The following MYRIP variants were observed in gnomAD, a reference collection of about 807,000 sequenced individuals.
MYRIP encodes myosin VIIA and Rab interacting protein.
Under a neutral mutation model 98.0 loss-of-function variants are expected in MYRIP, and 49 were observed. That is an observed-to-expected ratio of 0.50 (90% CI 0.40 to 0.63). The LOEUF (loss-of-function observed/expected upper bound fraction) is 0.63. MYRIP is among the 30% of genes least tolerant of loss of function. MYRIP has a pLI of 0.00. For missense variants in MYRIP, 1,004 were observed against 1,058.2 expected (o/e 0.95, Z 0.71); for synonymous variants, 404 against 409.5 (o/e 0.99, Z 0.16).
At chr3:39,810,359 A>C (rs1940632741) in intron 1 of MYRIP, 1 of 152,462 alleles carries the variant, frequency 6.6e-6, no homozygotes, top group South Asian at 2.1e-4. Context: ...ATTCTGTAAA[A>C]CGGGGGTAAT....
chr3:40,019,132 T>C (rs935837127), intron 2 of MYRIP, among the ~76,000 whole-genome samples: 1 of 152,204 alleles, frequency 6.6e-6, no homozygotes, highest in Non-Finnish European at 1.5e-5. Flanking sequence ...CTTTTTAAAG[T>C]AGATTGATAG....
At chr3:40,036,038 A>G (rs1300405343) in intron 2 of MYRIP, among the ~76,000 whole-genome samples, 2 of 151,916 alleles carry the variant, frequency 1.3e-5, no homozygotes, top group Admixed American at 1.3e-4. Flanking sequence ...TTGAGATATA[A>G]TTGGAATTCT....
chr3:40,170,729 C>A (rs116789136), intron 8 of MYRIP, among the ~76,000 whole-genome samples: 4,782 of 152,266 alleles, frequency 0.031, 75 homozygotes, highest in Middle Eastern at 0.058. Flanking sequence ...GGGGCAGGTT[C>A]TGCAAGAAAC....
chr3:39,861,162 A>G (rs922937508), intron 1 of MYRIP, among the ~76,000 whole-genome samples: 2 of 152,204 alleles, frequency 1.3e-5, no homozygotes, highest in African/African-American at 4.8e-5. Context: ...TCAACAGGCT[A>G]GGGAGCAAAG....
At chr3:40,131,373 A>G (rs1282269809) in intron 3 of MYRIP, among the ~76,000 whole-genome samples, 1 of 152,188 alleles carries the variant, frequency 6.6e-6, no homozygotes, top group East Asian at 1.9e-4. Context: ...CTATATGCCA[A>G]TATTGTAATA....
chr3:40,128,038 C>G (rs575743572), intron 3 of MYRIP, among the ~76,000 whole-genome samples: 3 of 152,306 alleles, frequency 2.0e-5, no homozygotes, highest in South Asian at 4.1e-4. Flanking sequence ...TTCTCTTTTA[C>G]TGCTGTTGAG....
chr3:40,218,819 T>C (rs1952235325), intron 11 of MYRIP, among the ~76,000 whole-genome samples: 1 of 151,488 alleles, frequency 6.6e-6, no homozygotes. Context: ...TAGAAGTTGG[T>C]TTTCCCCAAA....
chr3:40,219,031 T>A (rs1357515014), intron 11 of MYRIP, among the ~76,000 whole-genome samples: 1 of 152,160 alleles, frequency 6.6e-6, no homozygotes, highest in Non-Finnish European at 1.5e-5. Context: ...AAATTTAATA[T>A]GACATGACAA....
intron 2 of MYRIP, among the ~76,000 whole-genome samples, chr3:39,906,738 G>A (rs111986397): frequency 8.1e-4 from 124 of 152,270 alleles, no homozygotes; most frequent in Admixed American, 3.1e-3. Flanking sequence ...TATTTGAGTG[G>A]GAGTGTGGGG....
At chr3:40,018,390 G>A (rs373690972) in intron 2 of MYRIP, among the ~76,000 whole-genome samples, 1 of 151,978 alleles carries the variant, frequency 6.6e-6, no homozygotes, top group East Asian at 1.9e-4. Context: ...CCTGTCTCCC[G>A]CTAAACATGT....
At position 39,871,825 on chromosome 3, in the gene MYRIP, CA is replaced by C. The variant is rs1436489119; in HGVS notation, c.-30-28960del. Among the ~76,000 whole-genome samples the C allele has an allele frequency of 3.3e-5, 5 of 151,930 alleles. No individual in the cohort carries two copies. In the South Asian group the frequency reaches 6.2e-4, roughly 19 times the overall value. On this transcript the variant is annotated intron_variant, in intron 1 of 16. Coordinates refer to ENST00000302541, the MANE Select transcript of MYRIP (RefSeq NM_015460.4). Reference sequence around the variant, plus strand: ...AGAATTATTTTTTAATTTTTAAAAACAATTTCAAGTGTTATTAGCATGAAGA... The same window carrying C: ...AGAATTATTTTTTAATTTTTAAAAACATTTCAAGTGTTATTAGCATGAAGA...
chr3:40,130,994 T>C (rs1321319408), intron 3 of MYRIP, among the ~76,000 whole-genome samples: 1 of 152,130 alleles, frequency 6.6e-6, no homozygotes, highest in African/African-American at 2.4e-5. Flanking sequence ...TATTTTGAAC[T>C]AGACTTGGCA....
intron 5 of MYRIP, among the ~76,000 whole-genome samples, chr3:40,165,362 C>T (rs1396753491): frequency 1.3e-5 from 2 of 152,168 alleles, no homozygotes; most frequent in African/African-American, 2.4e-5. Context: ...CATTTTTGTC[C>T]TTAAGAGCCT....
intron 2 of MYRIP, among the ~76,000 whole-genome samples, chr3:39,901,156 C>G (rs893585752): frequency 6.6e-6 from 1 of 152,226 alleles, no homozygotes; most frequent in Non-Finnish European, 1.5e-5. Context: ...CCCTGTATGT[C>G]ATTACTAGCT....
chr3:39,851,490 C>T (rs1330330590), intron 1 of MYRIP, among the ~76,000 whole-genome samples: 1 of 152,108 alleles, frequency 6.6e-6, no homozygotes, highest in Non-Finnish European at 1.5e-5. Context: ...GGGTATGGGT[C>T]TCCATCTAAT....
At chr3:39,936,711 T>C (rs1383774787) in intron 2 of MYRIP, among the ~76,000 whole-genome samples, 1 of 152,126 alleles carries the variant, frequency 6.6e-6, no homozygotes, top group Non-Finnish European at 1.5e-5. Flanking sequence ...CTCCCCGACG[T>C]GGAGCTTGCA....
At chr3:40,210,279 A>G (rs538735162) in intron 11 of MYRIP, among the ~76,000 whole-genome samples, 186 bp downstream of exon 11, 16 of 152,302 alleles carry the variant, frequency 1.1e-4, no homozygotes, top group Admixed American at 8.5e-4. Flanking sequence ...CAATCAGGAA[A>G]ACAGCATCAT....
At position 40,000,725 on chromosome 3, in the gene MYRIP, A is replaced by G. The variant is rs536881902; in HGVS notation, c.111-43325A>G. Among the ~76,000 whole-genome samples, 12 of 152,296 alleles carry G rather than the reference A, an allele frequency of 7.9e-5. 1 individual carries two copies. In the South Asian group the frequency reaches 2.3e-3, roughly 29 times the overall value. On this transcript the variant is annotated intron_variant, in intron 2 of 16. Coordinates refer to ENST00000302541, the MANE Select transcript of MYRIP (RefSeq NM_015460.4). ...AGCCAAGAAAACTGATGAGACTGAC[A>G]TAAAGCTTCCCCTGTAACCCATCCC...
At chr3:40,102,176 C>T (rs1354491475) in intron 3 of MYRIP, among the ~76,000 whole-genome samples, 2 of 152,240 alleles carry the variant, frequency 1.3e-5, no homozygotes, top group East Asian at 3.8e-4. Flanking sequence ...GAGCCCTGGT[C>T]TCAGAGTCCC....
Sources: allele counts gnomAD v4.1 joint callset (sites outside exome capture counted in the v4.1 genomes callset), GRCh38; gene constraint gnomAD v4.1.1; transcripts MANE v1.5; gene names NCBI Gene and HGNC (gene_info 2026-07-23, HGNC 2026-07-21).